CNTNAP2: variants seen among roughly 807,000 people sequenced by gnomAD.
The protein encoded by CNTNAP2 is contactin associated protein 2, also known as contactin-associated protein-like 2.
In CNTNAP2, 98 loss-of-function variants were observed where a neutral mutation model predicts 155.2. The ratio of observed to expected loss-of-function variants is 0.63; its 90% CI spans 0.54 to 0.75. The LOEUF (loss-of-function observed/expected upper bound fraction) is 0.75, where lower values mean the gene tolerates loss of function less well. Ranked by LOEUF, CNTNAP2 falls within the 30% of genes least tolerant of loss-of-function variation. The probability of loss-of-function intolerance (pLI) is 0.00; values close to 1 mark genes in which losing one functional copy is unlikely to be tolerated. For missense variants in CNTNAP2, 1,727 were observed against 1,688.1 expected, an observed-to-expected ratio of 1.02 and a Z score of -0.40; for synonymous variants, 651 against 631.2, an observed-to-expected ratio of 1.03 and a Z score of -0.47.
intron 21 of CNTNAP2, among the ~76,000 whole-genome samples, chr7:148,348,987 A>G (rs569080767): frequency 3.6e-5 from 4 of 111,704 alleles, no homozygotes; most frequent in African/African-American, 1.4e-4. Context: ...CCCTGGAAAT[A>G]GATATTATTT....
At chr7:146,736,130 A>C (rs753447880) in intron 1 of CNTNAP2, among the ~76,000 whole-genome samples, 2 of 152,220 alleles carry the variant, frequency 1.3e-5, no homozygotes, top group African/African-American at 2.4e-5. Flanking sequence ...ATATTGTATT[A>C]GTAATCTGGA....
At chr7:146,867,625 T>G (rs547778683) in intron 3 of CNTNAP2, among the ~76,000 whole-genome samples, 3 of 152,240 alleles carry the variant, frequency 2.0e-5, no homozygotes, top group South Asian at 4.1e-4. Context: ...TGAACTAGTT[T>G]ACACCCACCA....
At chr7:146,344,306 G>T (rs536711382) in intron 1 of CNTNAP2, among the ~76,000 whole-genome samples, 136 of 152,122 alleles carry the variant, frequency 8.9e-4, no homozygotes, top group African/African-American at 3.3e-3. Context: ...CTTATGACAA[G>T]TTTTTGTTAT....
chr7:148,386,726 CTT>C (rs1491394388), intron 22 of CNTNAP2, among the ~76,000 whole-genome samples: 3 of 152,252 alleles, frequency 2.0e-5, no homozygotes, highest in South Asian at 4.2e-4. Flanking sequence ...CCTCTGTCCT[CTT>C]AAGTTCAGTA....
chr7:146,862,116 T>C (rs971576758), intron 3 of CNTNAP2, among the ~76,000 whole-genome samples: 2 of 152,178 alleles, frequency 1.3e-5, no homozygotes, highest in African/African-American at 4.8e-5. Context: ...GATGGCAATG[T>C]TAAGACTTTA....
At chr7:147,494,024 G>T (rs1456378418) in intron 11 of CNTNAP2, among the ~76,000 whole-genome samples, 2 of 152,134 alleles carry the variant, frequency 1.3e-5, no homozygotes, top group Non-Finnish European at 2.9e-5. Flanking sequence ...TAGAGGAAAA[G>T]CTCGCATTCT....
chr7:148,315,453 G>C (rs1797672012), intron 21 of CNTNAP2, among the ~76,000 whole-genome samples: 1 of 152,166 alleles, frequency 6.6e-6, no homozygotes, highest in Non-Finnish European at 1.5e-5. Flanking sequence ...GATGAGCCAG[G>C]AGAAGGAATT....
At chr7:146,415,355 T>C (rs1232811281) in intron 1 of CNTNAP2, among the ~76,000 whole-genome samples, 1 of 152,240 alleles carries the variant, frequency 6.6e-6, no homozygotes, top group East Asian at 1.9e-4. Context: ...GTACTCGTTT[T>C]GATTAAGCTA....
intron 9 of CNTNAP2, among the ~76,000 whole-genome samples, chr7:147,353,582 T>C (rs1006724957): frequency 7.2e-5 from 11 of 152,188 alleles, no homozygotes; most frequent in African/African-American, 2.7e-4. Context: ...GTCTTTGCTA[T>C]TATGAACAGT....
chr7:146,210,837 A>ATTTTTTTTTT (rs11370431), intron 1 of CNTNAP2, among the ~76,000 whole-genome samples: 1 of 145,272 alleles, frequency 6.9e-6, no homozygotes. Context: ...AGACTACTTC[A>ATTTTTTTTTT]TTTTTTTTTT....
rs931768408 is a variant in CNTNAP2 at position 146,551,111 on chromosome 7, T to A, written c.98-223160T>A. Among the ~76,000 whole-genome samples, 3 of 152,030 alleles carry A rather than the reference T, an allele frequency of 2.0e-5. 1 individual carries two copies. Among genetic ancestry groups the A allele is most frequent in the Non-Finnish European group, 4.4e-5 (3 of 68,008 alleles). On this transcript the variant is annotated intron_variant, in intron 1 of 23. Coordinates refer to ENST00000361727, the MANE Select transcript of CNTNAP2 (RefSeq NM_014141.6). Reference sequence around the variant, plus strand: ...AAGGCACATGTGATCATAATGAATATGTTTGGAGTCAAGAGAAGCTGGTAT... The same window carrying A: ...AAGGCACATGTGATCATAATGAATAAGTTTGGAGTCAAGAGAAGCTGGTAT...
chr7:147,857,438 GA>G (rs1233755619), intron 13 of CNTNAP2, among the ~76,000 whole-genome samples: 1 of 151,996 alleles, frequency 6.6e-6, no homozygotes, highest in African/African-American at 2.4e-5. Context: ...CACTCAATTT[GA>G]AAAAAATTTG....
intron 3 of CNTNAP2, among the ~76,000 whole-genome samples, chr7:146,949,083 C>T (rs1374195896): frequency 1.3e-5 from 2 of 152,132 alleles, no homozygotes; most frequent in Non-Finnish European, 2.9e-5. Context: ...GGCCTTTAAC[C>T]GACTGTGTAA....
intron 1 of CNTNAP2, among the ~76,000 whole-genome samples, chr7:146,707,908 CT>C (rs982608599): frequency 2.6e-4 from 39 of 151,686 alleles, no homozygotes; most frequent in African/African-American, 8.7e-4. Context: ...AGGCATAGCA[CT>C]TTTTTTTAAT....
intron 11 of CNTNAP2, among the ~76,000 whole-genome samples, chr7:147,509,451 A>G (rs1730860163): frequency 6.6e-6 from 1 of 152,162 alleles, no homozygotes. Context: ...TACTGGTCTG[A>G]CTTTTTTGCT....
At chr7:147,048,067 ATTTTT>A (rs11352009) in intron 4 of CNTNAP2, among the ~76,000 whole-genome samples, 42 of 90,368 alleles carry the variant, frequency 4.6e-4, no homozygotes, top group Middle Eastern at 6.5e-3. Flanking sequence ...CGGAGAGACA[ATTTTT>A]TTTTTTTTTT....
chr7:147,490,783 G>A (rs6956932), intron 11 of CNTNAP2, among the ~76,000 whole-genome samples: 1 of 151,948 alleles, frequency 6.6e-6, no homozygotes, highest in African/African-American at 2.4e-5. Context: ...AGAAAGAAAA[G>A]GGGTTTGACT....
intron 16 of CNTNAP2, among the ~76,000 whole-genome samples, chr7:148,139,592 CGGCTCACTGCAACCTCT>C (rs1446666447): frequency 1.3e-5 from 2 of 151,976 alleles, no homozygotes; most frequent in African/African-American, 2.4e-5. Context: ...GGCGTGATCT[CGGCTCACTGCAACCTCT>C]GGCTCACTGC....
rs553705273 is a variant in CNTNAP2, at chr7:148,078,371, C to G, written c.2384-39747C>G. Among the ~76,000 whole-genome samples, 153 of 152,316 alleles carry G rather than the reference C, an allele frequency of 1.0e-3. 5 individuals carry two copies. In the South Asian group the frequency reaches 0.029, roughly 29 times the overall value. ...TGAGCAAGGCATTGAGCCACCCCACCTGGCCACTTCTTTTAAATTGCATAA... is the reference window on the plus strand; with the variant it reads ...TGAGCAAGGCATTGAGCCACCCCACGTGGCCACTTCTTTTAAATTGCATAA... On this transcript the variant is annotated intron_variant, in intron 15 of 23. Coordinates refer to ENST00000361727, the MANE Select transcript of CNTNAP2 (RefSeq NM_014141.6).
Sources: allele counts gnomAD v4.1 joint callset (sites outside exome capture counted in the v4.1 genomes callset), GRCh38; gene constraint gnomAD v4.1.1; transcripts MANE v1.5; gene names NCBI Gene and HGNC (gene_info 2026-07-23, HGNC 2026-07-21).